SOX6: variants seen among roughly 807,000 people sequenced by gnomAD.
SOX6 encodes the protein transcription factor SOX-6.
Under a neutral mutation model 97.8 loss-of-function variants are expected in SOX6, and 11 were observed. The ratio of observed to expected loss-of-function variants is 0.11; its 90% CI spans 0.07 to 0.19. The LOEUF (loss-of-function observed/expected upper bound fraction) is 0.19. SOX6 is among the 10% of genes least tolerant of loss of function. The pLI, the probability that SOX6 is intolerant of heterozygous loss-of-function variation, is 1.00. For missense variants in SOX6, 810 were observed against 1,039.5 expected, an observed-to-expected ratio of 0.78 and a Z score of 3.04; for synonymous variants, 360 against 371.4, an observed-to-expected ratio of 0.97 and a Z score of 0.35.
chr11:16,603,082 A>G (rs898837222), intron 4 of SOX6, among the ~76,000 whole-genome samples: 1 of 152,194 alleles, frequency 6.6e-6, no homozygotes, highest in African/African-American at 2.4e-5. Flanking sequence ...TGAAAGATTT[A>G]GGATGTTTGC....
At chr11:16,632,469 C>T (rs762434674) in intron 3 of SOX6, among the ~76,000 whole-genome samples, 2 of 152,150 alleles carry the variant, frequency 1.3e-5, no homozygotes, top group Non-Finnish European at 2.9e-5. Flanking sequence ...ATACTTCCTC[C>T]TTGTTTACTG....
intron 15 of SOX6, among the ~76,000 whole-genome samples, chr11:15,977,548 C>T (rs1175030499): frequency 6.6e-6 from 1 of 151,740 alleles, no homozygotes; most frequent in Non-Finnish European, 1.5e-5. Context: ...ACCTCTTTAC[C>T]CAGTTCCAAT....
chr11:16,102,774 G>A (rs576070850), intron 7 of SOX6, among the ~76,000 whole-genome samples: 43 of 151,996 alleles, frequency 2.8e-4, no homozygotes, highest in South Asian at 1.0e-3. Context: ...ACATAAAATG[G>A]GGAAAGACAC....
At chr11:16,045,885 C>T (rs889382164) in intron 12 of SOX6, among the ~76,000 whole-genome samples, 2 of 152,160 alleles carry the variant, frequency 1.3e-5, no homozygotes, top group Non-Finnish European at 2.9e-5. Flanking sequence ...CCTGCCATTA[C>T]ATTTTCTATT....
At chr11:16,394,245 A>T (rs1308783313) in intron 1 of SOX6, among the ~76,000 whole-genome samples, 1 of 151,928 alleles carries the variant, frequency 6.6e-6, no homozygotes, top group East Asian at 1.9e-4. Context: ...GCAGATAAGT[A>T]AAAAAATGTA....
At chr11:15,996,248 T>C (rs1854221056) in intron 13 of SOX6, among the ~76,000 whole-genome samples, 1 of 152,226 alleles carries the variant, frequency 6.6e-6, no homozygotes, top group Admixed American at 6.5e-5. Context: ...TTAAAGGTCG[T>C]AATATTTTAC....
chr11:16,603,691 A>G (rs1472077657), intron 4 of SOX6, among the ~76,000 whole-genome samples: 1 of 152,118 alleles, frequency 6.6e-6, no homozygotes, highest in Non-Finnish European at 1.5e-5. Context: ...AAGAATAGGT[A>G]TGTTGCCAGA....
At chr11:16,497,341 G>T (rs1321724389) in intron 4 of SOX6, among the ~76,000 whole-genome samples, 1 of 152,024 alleles carries the variant, frequency 6.6e-6, no homozygotes, top group Middle Eastern at 3.4e-3. Context: ...AAAGACAAAA[G>T]GTATACTAAA....
intron 3 of SOX6, among the ~76,000 whole-genome samples, chr11:16,286,018 T>C (rs1854730213): frequency 6.6e-6 from 1 of 152,274 alleles, no homozygotes; most frequent in Non-Finnish European, 1.5e-5. Context: ...AGATACAGTG[T>C]TCCAAGGTAA....
intron 4 of SOX6, among the ~76,000 whole-genome samples, chr11:16,595,726 G>C (rs536520857): frequency 1.3e-5 from 2 of 151,698 alleles, no homozygotes; most frequent in South Asian, 4.2e-4. Context: ...AGCCATGATT[G>C]TACCACCGTT....
intron 3 of SOX6, chr11:16,313,587 T>C (rs950554254): frequency 1.3e-5 from 2 of 152,136 alleles, no homozygotes; most frequent in Non-Finnish European, 2.9e-5. Flanking sequence ...TCCTTAGACC[T>C]AGAATATAAT....
chr11:16,539,850 G>A (rs1275895814), intron 4 of SOX6, among the ~76,000 whole-genome samples: 1 of 151,996 alleles, frequency 6.6e-6, no homozygotes, highest in Non-Finnish European at 1.5e-5. Context: ...ACCAAAAAAA[G>A]TCCAGGCAAA....
intron 12 of SOX6, among the ~76,000 whole-genome samples, chr11:16,043,242 G>A (rs1304282276): frequency 7.9e-5 from 12 of 152,138 alleles, no homozygotes; most frequent in Admixed American, 7.9e-4. Context: ...TACTTAGACT[G>A]GGGTGAAGAT....
chr11:16,147,046 A>T (rs919731123), intron 6 of SOX6, among the ~76,000 whole-genome samples: 1 of 152,210 alleles, frequency 6.6e-6, no homozygotes, highest in African/African-American at 2.4e-5. Context: ...ATAAAGACAC[A>T]TGCACACGTA....
At chr11:16,318,159 C>A in intron 3 of SOX6, 2 of 437,612 alleles carry the variant, frequency 4.6e-6, no homozygotes, top group South Asian at 2.4e-5. Context: ...TAGGAAAATT[C>A]TCTTGTTACC....
chr11:16,379,575 T>A (rs1278025432), intron 1 of SOX6, among the ~76,000 whole-genome samples: 1 of 152,198 alleles, frequency 6.6e-6, no homozygotes, highest in East Asian at 1.9e-4. Context: ...GTTGTCATAT[T>A]GACAATGGTT....
intron 15 of SOX6, among the ~76,000 whole-genome samples, chr11:15,973,383 G>A (rs1018860125): frequency 7.2e-5 from 11 of 152,142 alleles, no homozygotes; most frequent in African/African-American, 2.7e-4. Flanking sequence ...GGTAAATATG[G>A]CAAAGTTTGG....
chr11:16,448,137 C>G (rs527769356), intron 1 of SOX6, among the ~76,000 whole-genome samples: 2 of 152,284 alleles, frequency 1.3e-5, no homozygotes, highest in South Asian at 4.1e-4. Flanking sequence ...AGGAACCCAG[C>G]TATGTGCTTA....
At chr11:16,432,164 C>T (rs1434458095) in intron 1 of SOX6, among the ~76,000 whole-genome samples, 2 of 152,016 alleles carry the variant, frequency 1.3e-5, no homozygotes, top group Non-Finnish European at 2.9e-5. Flanking sequence ...AATATAGTTA[C>T]CTTCATTGAT....
Sources: gnomAD v4.1 joint callset for allele counts (sites outside exome capture counted in the v4.1 genomes callset) on GRCh38, gnomAD v4.1.1 for gene constraint, MANE v1.5 for transcripts, NCBI Gene and HGNC (gene_info 2026-07-23, HGNC 2026-07-21) for gene names.